DENND5A: variants seen among roughly 807,000 people sequenced by gnomAD.
DENND5A encodes the protein DENN domain containing 5A.
In DENND5A, 64 loss-of-function variants were observed where a neutral mutation model predicts 140.3. That is an observed-to-expected ratio of 0.46 (90% confidence interval 0.37 to 0.56). The LOEUF is 0.56. Ranked by LOEUF, DENND5A falls within the 20% of genes least tolerant of loss-of-function variation. The pLI is 0.00. For synonymous variants in DENND5A, 605 were observed against 607.7 expected, an observed-to-expected ratio of 1.00 and a Z score of 0.07; for missense variants, 1,292 against 1,593.8, an observed-to-expected ratio of 0.81 and a Z score of 3.22.
intron 4 of DENND5A, among the ~76,000 whole-genome samples, chr11:9,194,939 GAACTCCT>G (rs1849268616): frequency 6.7e-6 from 1 of 149,914 alleles, no homozygotes; most frequent in East Asian, 2.0e-4. Flanking sequence ...GGCTGGTCTC[GAACTCCT>G]AACCTTGTGA....
intron 1 of DENND5A, among the ~76,000 whole-genome samples, chr11:9,219,843 T>A (rs1339159506): frequency 6.6e-6 from 1 of 152,216 alleles, no homozygotes; most frequent in East Asian, 1.9e-4. Context: ...CACAACAGAC[T>A]TCTATAACAA....
chr11:9,245,847 A>G (rs202071137), intron 1 of DENND5A, among the ~76,000 whole-genome samples: 8 of 151,960 alleles, frequency 5.3e-5, no homozygotes, highest in Non-Finnish European at 2.9e-5. Context: ...TTGGCCAGGC[A>G]GGTCTCAAAC....
At chr11:9,207,511 T>C (rs554130176) in intron 2 of DENND5A, 50 bp downstream of exon 2, 150 of 1,391,358 alleles carry the variant, frequency 1.1e-4, no homozygotes, top group Non-Finnish European at 1.5e-4. Flanking sequence ...GAGATATATG[T>C]AAGAACCATT....
intron 1 of DENND5A, among the ~76,000 whole-genome samples, chr11:9,231,715 C>CAGAAAAAAAAAAA (rs551722172): frequency 1.3e-5 from 1 of 78,956 alleles, no homozygotes; most frequent in African/African-American, 4.7e-5. Flanking sequence ...AACTCCGTCT[C>CAGAAAAAAAAAAA]AAAAAAAAAA....
rs1400295257 is a variant in DENND5A at position 9,145,672 on chromosome 11, C to T, written c.3001G>A (p.Glu1001Lys). ...IPRNVLEMTF[E>K]CQNLGKLTTV... ...CTGTGGCCCCAAATAACACATACCT[C>T]GAAGGTCATCTCTAGCACATTCCTG... Residue 1001 changes from glutamate (E) to lysine (K), a missense_variant and splice_region_variant, in exon 17 of 23, where the codon GAG becomes AAG. Physicochemically the swap from Glu to Lys is moderately conservative, Grantham distance 56. Around this residue, in one of 4 missense-constraint regions of DENND5A, gnomAD observed 498 missense variants for 689.7 expected, o/e 0.72. Coordinates refer to ENST00000328194, the MANE Select transcript of DENND5A (RefSeq NM_015213.4). 1.9e-6 allele frequency: 3 copies of T among 1,614,132 alleles called. No individual in the cohort carries two copies. The highest frequency in any genetic ancestry group is 2.2e-5 in the East Asian group (1 of 44,888).
intron 4 of DENND5A, among the ~76,000 whole-genome samples, chr11:9,195,018 GC>G (rs1211644784): frequency 7.6e-6 from 1 of 132,208 alleles, no homozygotes; most frequent in African/African-American, 2.9e-5. Flanking sequence ...CGCCCAGCCA[GC>G]CTTTTTTTTT....
intron 1 of DENND5A, among the ~76,000 whole-genome samples, chr11:9,247,144 G>A (rs1005572767): frequency 2.6e-5 from 4 of 151,850 alleles, no homozygotes; most frequent in Non-Finnish European, 4.4e-5. Flanking sequence ...GCAGGAGAAC[G>A]GCGTGAACCC....
chr11:9,204,864 A>T (rs1327713496), intron 3 of DENND5A, among the ~76,000 whole-genome samples: 6 of 152,190 alleles, frequency 3.9e-5, no homozygotes, highest in African/African-American at 1.4e-4. Context: ...GTCACCAAAA[A>T]AAGGTAATGT....
intron 17 of DENND5A, 53 bp downstream of exon 17, chr11:9,145,617 C>T (rs956619942): frequency 4.5e-5 from 72 of 1,600,992 alleles, no homozygotes; most frequent in African/African-American, 3.5e-4. Context: ...CTCCCCAAAG[C>T]GGCTGTTGCA....
At chr11:9,227,024 C>T (rs879266250) in intron 1 of DENND5A, among the ~76,000 whole-genome samples, 31 of 151,812 alleles carry the variant, frequency 2.0e-4, no homozygotes, top group Non-Finnish European at 4.3e-4. Context: ...CAAAATTAGC[C>T]GGGCATGGTA....
rs528327140 is a variant in DENND5A at position 9,169,315 on chromosome 11, T to C, written c.2151+541A>G. Among the ~76,000 whole-genome samples, 567 of 151,840 alleles carry C rather than the reference T, an allele frequency of 3.7e-3. 4 individuals carry two copies. Among genetic ancestry groups the C allele is most frequent in the African/African-American group, 0.013 (541 of 41,398 alleles). On this transcript the variant is annotated intron_variant, in intron 10 of 22. Coordinates refer to ENST00000328194, the MANE Select transcript of DENND5A (RefSeq NM_015213.4). ...TACAGAAATTATCTGCGCGTTGAGGTGGTGCCTGTAATTCCAGCTACTCAA... is the reference window on the plus strand; with the variant it reads ...TACAGAAATTATCTGCGCGTTGAGGCGGTGCCTGTAATTCCAGCTACTCAA...
intron 1 of DENND5A, among the ~76,000 whole-genome samples, chr11:9,229,895 A>ATT (rs1590307931): frequency 2.0e-5 from 2 of 100,280 alleles, no homozygotes; most frequent in Admixed American, 1.2e-4. Flanking sequence ...GAAAGCTCCC[A>ATT]TTTCTTTTTT....
rs369946476 is a variant in DENND5A, at chr11:9,246,611, CA to C, written c.109+18349del. ...TAGGCCACAGAGTGAAACTAAGTCT[CA>C]AAAAAAAAAAAAAAAAAAAGGAAGT... On this transcript the variant is annotated intron_variant, in intron 1 of 22. Coordinates refer to ENST00000328194, the MANE Select transcript of DENND5A (RefSeq NM_015213.4). Among the ~76,000 whole-genome samples, 617 of 63,136 alleles carry C rather than the reference CA, an allele frequency of 9.8e-3. 3 individuals are homozygous for C. The highest frequency in any genetic ancestry group is 0.028 in the African/African-American group (470 of 16,866). The allele number at this position is 63,136 out of a possible 152,430, so 41.4% of individuals were successfully genotyped here. A position where few individuals can be genotyped will look rare whatever the true frequency, so the allele number is the denominator to read the frequency against.
At chr11:9,176,089 AC>A (rs1356211619) in intron 8 of DENND5A, among the ~76,000 whole-genome samples, 2 of 152,204 alleles carry the variant, frequency 1.3e-5, no homozygotes, top group East Asian at 3.8e-4. Flanking sequence ...CATTAAGATG[AC>A]CTTTTGGCAA....
chr11:9,144,608 T>C (rs951996101), intron 18 of DENND5A, among the ~76,000 whole-genome samples: 3 of 151,960 alleles, frequency 2.0e-5, no homozygotes, highest in Admixed American at 6.6e-5. Flanking sequence ...CTGGTCAATA[T>C]GGCGAAACCT....
At chr11:9,235,526 C>T (rs773684038) in intron 1 of DENND5A, among the ~76,000 whole-genome samples, 4 of 150,570 alleles carry the variant, frequency 2.7e-5, no homozygotes, top group African/African-American at 9.7e-5. Flanking sequence ...GGCACGATGG[C>T]GGGCACCTGT....
At chr11:9,174,479 C>A (rs1337584464) in intron 8 of DENND5A, among the ~76,000 whole-genome samples, 1 of 145,178 alleles carries the variant, frequency 6.9e-6, no homozygotes, top group Non-Finnish European at 1.5e-5. Flanking sequence ...ACAGATTTCA[C>A]AGTAAAGAAT....
rs186717522 is a variant in DENND5A, at chr11:9,149,965, G to C, written c.2735+116C>G. The stretch of plus-strand genomic sequence containing the variant: ...ACTGCAAAACCTTCATAAGCAAAGA[G>C]GTTAGCTGAATGCAGCAGCAATGTC... On this transcript the variant is annotated intron_variant, in intron 15 of 22. Transcript: ENST00000328194. 1.2e-5 allele frequency: 17 copies of C among 1,388,994 alleles called. 1 individual carries two copies. Among genetic ancestry groups the C allele is most frequent in the Middle Eastern group, 5.4e-4 (2 of 3,708 alleles). The allele number at this position is 1,388,994 out of a possible 1,614,324, so 86.0% of individuals were successfully genotyped here.
At chr11:9,179,500 CTTT>C (rs55812362) in intron 6 of DENND5A, among the ~76,000 whole-genome samples, 8 of 138,482 alleles carry the variant, frequency 5.8e-5, no homozygotes, top group African/African-American at 5.3e-5. Flanking sequence ...GCAAAAAAAC[CTTT>C]TTTTTTTTTT....
Sources: gnomAD v4.1 joint callset for allele counts (sites outside exome capture counted in the v4.1 genomes callset) on GRCh38, gnomAD v4.1.1 for gene constraint, gnomAD v4.1.1 regional missense constraint, MANE v1.5 for transcripts, NCBI Gene and HGNC (gene_info 2026-07-23, HGNC 2026-07-21) for gene names.